MGMT: variants seen among roughly 807,000 people sequenced by gnomAD.
The protein encoded by MGMT is O-6-methylguanine-DNA methyltransferase.
In MGMT, 14 loss-of-function variants were observed where a neutral mutation model predicts 15.9. The ratio of observed to expected loss-of-function variants is 0.88; its 90% CI spans 0.58 to 1.37. The LOEUF (loss-of-function observed/expected upper bound fraction) is 1.37, where lower values mean the gene tolerates loss of function less well. MGMT is among the 40% of genes most tolerant of loss of function. MGMT has a pLI of 0.00. For synonymous variants in MGMT, 130 were observed against 118.2 expected (o/e 1.10, Z -0.65); for missense variants, 282 against 268.1 (o/e 1.05, Z -0.36).
chr10:129,497,237 G>A (rs542067282), intron 1 of MGMT, among the ~76,000 whole-genome samples: 51 of 152,312 alleles, frequency 3.3e-4, no homozygotes, highest in South Asian at 1.0e-3. Context: ...AGGCAGGCAA[G>A]CAGCATCAGT....
chr10:129,507,033 T>C (rs924254356), intron 1 of MGMT, among the ~76,000 whole-genome samples: 1 of 152,174 alleles, frequency 6.6e-6, no homozygotes, highest in Non-Finnish European at 1.5e-5. Context: ...AAACCTCAGT[T>C]TCCCTGTGTC....
intron 1 of MGMT, among the ~76,000 whole-genome samples, chr10:129,475,644 GGCCGATCA>G (rs755295968): frequency 4.1e-4 from 62 of 152,268 alleles, no homozygotes; most frequent in Middle Eastern, 3.4e-3. Context: ...GCGGGGTGCG[GGCCGATCA>G]GCACACTCCC....
At chr10:129,710,156 AGGTCATGATAGGTCTTGGT>A (rs1848214701) in intron 3 of MGMT, among the ~76,000 whole-genome samples, 3 of 152,142 alleles carry the variant, frequency 2.0e-5, no homozygotes, top group African/African-American at 7.2e-5. Flanking sequence ...CTGGGCTGGC[AGGTCATGATAGGTCTTGGT>A]GACCAGGAAG....
chr10:129,484,236 T>A (rs933435006), intron 1 of MGMT, among the ~76,000 whole-genome samples: 1 of 152,198 alleles, frequency 6.6e-6, no homozygotes, highest in African/African-American at 2.4e-5. Context: ...CTCCCCTTTT[T>A]CTGAGGCTCC....
At chr10:129,536,038 TG>T (rs1480210844) in intron 1 of MGMT, among the ~76,000 whole-genome samples, 1 of 152,192 alleles carries the variant, frequency 6.6e-6, no homozygotes, top group African/African-American at 2.4e-5. Flanking sequence ...ACTGTAGTAT[TG>T]GTTGGCTGCT....
intron 3 of MGMT, among the ~76,000 whole-genome samples, chr10:129,720,392 G>GGCTC (rs1387447838): frequency 1.3e-5 from 2 of 152,176 alleles, no homozygotes; most frequent in African/African-American, 4.8e-5. Flanking sequence ...GGCCCCTCCT[G>GGCTC]GCTCAGCACA....
chr10:129,528,683 C>T (rs1247972769), intron 1 of MGMT, among the ~76,000 whole-genome samples: 1 of 152,126 alleles, frequency 6.6e-6, no homozygotes, highest in Non-Finnish European at 1.5e-5. Context: ...CCGTGGAGAG[C>T]TGCGGTGGTG....
intron 3 of MGMT, among the ~76,000 whole-genome samples, chr10:129,746,260 CAAAA>C (rs1328825082): frequency 1.4e-5 from 2 of 141,104 alleles, no homozygotes; most frequent in Non-Finnish European, 3.1e-5. Context: ...AAAAAACAAA[CAAAA>C]AAAAACACCT....
intron 2 of MGMT, among the ~76,000 whole-genome samples, chr10:129,568,076 A>G (rs1437759250): frequency 2.0e-5 from 3 of 152,234 alleles, no homozygotes; most frequent in African/African-American, 7.2e-5. Context: ...TTTAAATGCA[A>G]ACCAACCATT....
chr10:129,692,418 ATC>A (rs1847980111), intron 2 of MGMT, among the ~76,000 whole-genome samples: 1 of 152,180 alleles, frequency 6.6e-6, no homozygotes, highest in Admixed American at 6.5e-5. Context: ...GGGCTAGAAG[ATC>A]TCTGTCATAG....
At chr10:129,542,885 A>G (rs1026096432) in intron 2 of MGMT, among the ~76,000 whole-genome samples, 12 of 152,176 alleles carry the variant, frequency 7.9e-5, no homozygotes, top group African/African-American at 2.9e-4. Flanking sequence ...TGAGAGGGGT[A>G]AATGATCAGT....
intron 2 of MGMT, among the ~76,000 whole-genome samples, chr10:129,704,806 C>T (rs774857999): frequency 2.0e-5 from 3 of 151,734 alleles, no homozygotes; most frequent in Non-Finnish European, 2.9e-5. Context: ...CCGAGGATCT[C>T]GGCAGAGACT....
intron 2 of MGMT, among the ~76,000 whole-genome samples, chr10:129,609,372 A>G (rs1846932299): frequency 6.6e-6 from 1 of 150,974 alleles, no homozygotes; most frequent in South Asian, 2.1e-4. Context: ...CTCTGGCCCC[A>G]TCCGGATGAT....
At chr10:129,604,837 G>A (rs775109999) in intron 2 of MGMT, among the ~76,000 whole-genome samples, 17 of 148,946 alleles carry the variant, frequency 1.1e-4, no homozygotes, top group South Asian at 4.2e-4. Flanking sequence ...AAAAGATACT[G>A]CCAGAGCCTG....
intron 2 of MGMT, among the ~76,000 whole-genome samples, chr10:129,571,742 T>C (rs934258644): frequency 1.3e-5 from 2 of 152,370 alleles, no homozygotes; most frequent in African/African-American, 4.8e-5. Context: ...ACATGTTATT[T>C]CTTTATATTA....
intron 2 of MGMT, among the ~76,000 whole-genome samples, chr10:129,579,697 T>C (rs560285922): frequency 1.3e-5 from 2 of 152,352 alleles, no homozygotes; most frequent in South Asian, 2.1e-4. Context: ...TATTATATGC[T>C]CAGAAACCAT....
chr10:129,680,510 T>C (rs992287426), intron 2 of MGMT, among the ~76,000 whole-genome samples: 3 of 152,050 alleles, frequency 2.0e-5, no homozygotes, highest in African/African-American at 7.2e-5. Flanking sequence ...CTACCGACTT[T>C]GGAGCATGCT....
At chr10:129,535,536 T>C (rs1168835086) in intron 1 of MGMT, among the ~76,000 whole-genome samples, 2 of 152,222 alleles carry the variant, frequency 1.3e-5, no homozygotes, top group Non-Finnish European at 2.9e-5. Flanking sequence ...TTTAATTCTT[T>C]TGGGGCAGGG....
intron 3 of MGMT, among the ~76,000 whole-genome samples, chr10:129,738,134 C>T (rs960214222): frequency 3.3e-5 from 5 of 152,246 alleles, no homozygotes; most frequent in South Asian, 4.1e-4. Context: ...TGGGCAATGG[C>T]GGGTGCCCCT....
Sources: allele counts gnomAD v4.1 joint callset (sites outside exome capture counted in the v4.1 genomes callset), GRCh38; gene constraint gnomAD v4.1.1; transcripts MANE v1.5; gene names NCBI Gene and HGNC (gene_info 2026-07-23, HGNC 2026-07-21).